Variants in FRAS1 observed in about 807,000 individuals in gnomAD.
FRAS1 encodes the protein extracellular matrix organizing protein FRAS1.
FRAS1 carries 290 observed loss-of-function variants against 435.2 expected under a neutral mutation model. That is an observed-to-expected ratio of 0.67 (90% CI 0.61 to 0.73). The LOEUF (loss-of-function observed/expected upper bound fraction) is 0.73, where lower values mean the gene tolerates loss of function less well. FRAS1 is among the 30% of genes least tolerant of loss of function. FRAS1 has a pLI of 0.00. For missense variants in FRAS1, 4,860 were observed against 5,001.5 expected, an observed-to-expected ratio of 0.97 and a Z score of 0.85; for synonymous variants, 1,800 against 1,851.0, an observed-to-expected ratio of 0.97 and a Z score of 0.71.
chr4:78,203,949 T>C (rs1723150182), intron 2 of FRAS1, among the ~76,000 whole-genome samples: 1 of 152,228 alleles, frequency 6.6e-6, no homozygotes, highest in African/African-American at 2.4e-5. Context: ...GTTAGTGATC[T>C]TACTGTTTAA....
chr4:78,447,074 A>G (rs1718859772), intron 43 of FRAS1, among the ~76,000 whole-genome samples, 194 bp downstream of exon 43: 1 of 151,396 alleles, frequency 6.6e-6, no homozygotes, highest in Admixed American at 6.6e-5. Context: ...AGAAGCCTCA[A>G]TCCCAGTTAA....
At chr4:78,507,319 G>C in intron 61 of FRAS1, 102 bp from the exon 62 acceptor site, 1 of 1,023,596 alleles carries the variant, frequency 9.8e-7, no homozygotes, top group Middle Eastern at 2.1e-4. Flanking sequence ...TAAAAAGAAA[G>C]AACATATTTT....
intron 69 of FRAS1, among the ~76,000 whole-genome samples, chr4:78,525,868 C>T (rs756513455): frequency 7.9e-5 from 12 of 152,170 alleles, no homozygotes; most frequent in Non-Finnish European, 1.0e-4. Context: ...AATCCTGGGC[C>T]CCCCATAAAC....
chr4:78,092,397 C>A (rs751834020), intron 2 of FRAS1, among the ~76,000 whole-genome samples: 75 of 152,250 alleles, frequency 4.9e-4, no homozygotes, highest in Admixed American at 2.0e-3. Context: ...GAGGAGGCCT[C>A]ACAATCGTGG....
chr4:78,526,149 C>G (rs1721527519), intron 69 of FRAS1, among the ~76,000 whole-genome samples: 1 of 152,166 alleles, frequency 6.6e-6, no homozygotes, highest in Admixed American at 6.5e-5. Flanking sequence ...TTTGGGAATG[C>G]ATTGAATAGG....
chr4:78,066,312 T>C (rs918436369), intron 2 of FRAS1, among the ~76,000 whole-genome samples: 10 of 152,142 alleles, frequency 6.6e-5, no homozygotes, highest in African/African-American at 2.4e-4. Context: ...TTAGATCCCA[T>C]CCTTTTGTCA....
chr4:78,433,693 T>C (rs1354433354), intron 38 of FRAS1, among the ~76,000 whole-genome samples: 1 of 152,228 alleles, frequency 6.6e-6, no homozygotes, highest in Non-Finnish European at 1.5e-5. Flanking sequence ...TTGTTTTTAA[T>C]TGACAGGTGA....
intron 29 of FRAS1, among the ~76,000 whole-genome samples, chr4:78,396,075 G>T (rs1227570712): frequency 6.6e-6 from 1 of 151,796 alleles, no homozygotes; most frequent in Non-Finnish European, 1.5e-5. Context: ...ATCTTATAAT[G>T]GTCTATTTTA....
At chr4:78,314,124 CTGA>C (rs1729141896) in intron 15 of FRAS1, among the ~76,000 whole-genome samples, 1 of 151,944 alleles carries the variant, frequency 6.6e-6, no homozygotes. Flanking sequence ...TTCTTAAATG[CTGA>C]TGCTACCCAG....
intron 47 of FRAS1, among the ~76,000 whole-genome samples, chr4:78,454,337 G>A (rs551446555): frequency 6.6e-6 from 1 of 152,252 alleles, no homozygotes; most frequent in South Asian, 2.1e-4. Flanking sequence ...TTTAAATGGT[G>A]GAGGGTGATC....
chr4:78,104,065 C>T (rs17419053), intron 2 of FRAS1, among the ~76,000 whole-genome samples: 13,890 of 152,160 alleles, frequency 0.091, 847 homozygotes, highest in Non-Finnish European at 0.13. Context: ...CAGGGCTTAG[C>T]TAGTACCTCC....
At chr4:78,534,109 C>G (rs939420283) in intron 70 of FRAS1, among the ~76,000 whole-genome samples, 8 of 152,112 alleles carry the variant, frequency 5.3e-5, no homozygotes, top group Non-Finnish European at 8.8e-5. Flanking sequence ...GCATGCAGCT[C>G]TGGGAAGAAA....
chr4:78,408,584 G>A (rs1021411947), intron 31 of FRAS1, among the ~76,000 whole-genome samples: 1 of 152,090 alleles, frequency 6.6e-6, no homozygotes, highest in African/African-American at 2.4e-5. Flanking sequence ...ACATGTTTAG[G>A]TGTCAGTTCT....
Position 78,498,379 on chromosome 4 carries a change from G to A in FRAS1, c.9116-1342G>A, listed in dbSNP as rs531892806. ...AAATTAGCCAGGCGTGGTGGCATGC[G>A]CCTGTAATCCCAGCTACTCAGGAGG... On this transcript the variant is annotated intron_variant, in intron 60 of 73. Transcript: ENST00000512123. 1.1e-3 allele frequency among the ~76,000 whole-genome samples: 164 copies of A among 152,124 alleles called. 1 individual carries two copies. Among genetic ancestry groups the A allele is most frequent in the Non-Finnish European group, 1.7e-3 (114 of 67,992 alleles).
chr4:78,143,727 C>T (rs1455992496), intron 2 of FRAS1, among the ~76,000 whole-genome samples: 3 of 145,166 alleles, frequency 2.1e-5, no homozygotes, highest in Non-Finnish European at 4.5e-5. Context: ...GAGACCCTGT[C>T]TCTACTAAAA....
At chr4:78,508,579 A>T (rs1720922896) in intron 62 of FRAS1, among the ~76,000 whole-genome samples, 152 bp from the exon 63 acceptor site, 1 of 151,900 alleles carries the variant, frequency 6.6e-6, no homozygotes, top group Non-Finnish European at 1.5e-5. Flanking sequence ...TCTTTTAAGG[A>T]TGCCTGGCAA....
At position 78,252,809 on chromosome 4, in the gene FRAS1, G is replaced by A. The variant is rs140926611; in HGVS notation, c.469+258G>A. Among the ~76,000 whole-genome samples the A allele has an allele frequency of 3.7e-3, 558 of 152,114 alleles. 8 individuals carry two copies. The East Asian group carries it at 0.041, about 11-fold the overall frequency. On this transcript the variant is annotated intron_variant, in intron 5 of 73. Coordinates refer to ENST00000512123, the MANE Select transcript of FRAS1 (RefSeq NM_025074.7). Reference sequence around the variant, plus strand: ...TATTAGAGATTTTAAAAGGAGAGGGGGTGTACGAACAGGGAGTAGGTCACA... The same window carrying A: ...TATTAGAGATTTTAAAAGGAGAGGGAGTGTACGAACAGGGAGTAGGTCACA...
chr4:78,083,028 A>G (rs1401182179), intron 2 of FRAS1, among the ~76,000 whole-genome samples: 1 of 152,178 alleles, frequency 6.6e-6, no homozygotes, highest in African/African-American at 2.4e-5. Context: ...GAGAAGCAAG[A>G]TAGCAAAAGG....
chr4:78,060,400 G>T (rs1739703677), intron 1 of FRAS1, among the ~76,000 whole-genome samples: 1 of 152,176 alleles, frequency 6.6e-6, no homozygotes, highest in Non-Finnish European at 1.5e-5. Context: ...GATGTACCTT[G>T]TGACACCTTT....
Sources: allele counts gnomAD v4.1 joint callset (sites outside exome capture counted in the v4.1 genomes callset), GRCh38; gene constraint gnomAD v4.1.1; transcripts MANE v1.5; gene names NCBI Gene and HGNC (gene_info 2026-07-23, HGNC 2026-07-21).